SLC44A1: variants seen among roughly 807,000 people sequenced by gnomAD.
SLC44A1 encodes solute carrier family 44 member 1, also known as choline transporter-like protein 1.
Under a neutral mutation model 79.3 loss-of-function variants are expected in SLC44A1, and 26 were observed. The ratio of observed to expected loss-of-function variants is 0.33; its 90% CI spans 0.24 to 0.46. SLC44A1 has a LOEUF of 0.46. Among genes scored for constraint, SLC44A1 ranks in the 20% least tolerant of loss-of-function variants. The pLI is 1.00. For synonymous variants in SLC44A1, 263 were observed against 286.2 expected (o/e 0.92, Z 0.82); for missense variants, 688 against 798.1 (o/e 0.86, Z 1.66).
intron 15 of SLC44A1, among the ~76,000 whole-genome samples, chr9:105,408,204 T>C (rs945946828): frequency 1.3e-5 from 2 of 152,082 alleles, no homozygotes; most frequent in African/African-American, 4.8e-5. Flanking sequence ...CAAGACATTC[T>C]CATACAAACA....
chr9:105,431,956 T>C (rs1424251706), intron 15 of SLC44A1, among the ~76,000 whole-genome samples: 2 of 152,244 alleles, frequency 1.3e-5, no homozygotes, highest in East Asian at 3.8e-4. Flanking sequence ...AGGGTCTCAC[T>C]CTGTTGCCCA....
intron 14 of SLC44A1, 99 bp downstream of exon 14, chr9:105,383,458 T>C (rs1223048912): frequency 1.2e-5 from 9 of 726,708 alleles, no homozygotes; most frequent in Non-Finnish European, 1.9e-5. Context: ...TATATGCAAC[T>C]GAGTAATTTA....
At chr9:105,363,083 A>G (rs1193286787) in intron 9 of SLC44A1, 76 bp downstream of exon 9, 13 of 1,151,792 alleles carry the variant, frequency 1.1e-5, no homozygotes, top group Non-Finnish European at 1.6e-5. Context: ...AGAGAGAGGT[A>G]ATTCTTCAGA....
At chr9:105,430,605 T>C (rs191378861) in intron 15 of SLC44A1, among the ~76,000 whole-genome samples, 1 of 152,358 alleles carries the variant, frequency 6.6e-6, no homozygotes, top group East Asian at 1.9e-4. Context: ...CAATATTTCA[T>C]CTCTTTTTAT....
rs995646875 is a variant in SLC44A1 at position 105,244,891 on chromosome 9, C to T, written c.23C>T (p.Ser8Phe). 1.7e-5 allele frequency: 20 copies of T among 1,179,078 alleles called. No individual in the cohort carries two copies. The highest frequency in any genetic ancestry group is 4.6e-5 in the Admixed American group (1 of 21,754). 73.0% of individuals were successfully genotyped at this position (1,179,078 alleles called of 1,614,324 possible). MGCCSSA[S>F]SAAQSSKREW... ...GCCATGGGCTGCTGCAGCTCCGCCT[C>T]CTCCGCCGCGCAGGTGAGGGGCTCC... Residue 8 changes from serine to phenylalanine, a missense_variant, in exon 1 of 16, where the codon TCC becomes TTC. By Grantham distance (155) the Ser-to-Phe change is radical (BLOSUM62 -2). Transcript: ENST00000374720.
At chr9:105,337,898 G>A (rs10115879) in intron 4 of SLC44A1, among the ~76,000 whole-genome samples, 14,864 of 152,210 alleles carry the variant, frequency 0.098, 1,853 homozygotes, top group African/African-American at 0.29. Context: ...GCCTGTTCAG[G>A]TCTAGTTAAG....
intron 11 of SLC44A1, among the ~76,000 whole-genome samples, chr9:105,366,038 G>A (rs1256879705): frequency 6.6e-6 from 1 of 151,904 alleles, no homozygotes; most frequent in South Asian, 2.1e-4. Flanking sequence ...ATAACACTTA[G>A]TATCTATACT....
At chr9:105,425,442 A>G (rs1829308316) in intron 15 of SLC44A1, among the ~76,000 whole-genome samples, 1 of 152,210 alleles carries the variant, frequency 6.6e-6, no homozygotes, top group African/African-American at 2.4e-5. Context: ...TTGCGGAAAG[A>G]TCTGTTTGAG....
At chr9:105,371,720 C>CAAA (rs776993058) in intron 12 of SLC44A1, among the ~76,000 whole-genome samples, 93 of 93,536 alleles carry the variant, frequency 9.9e-4, no homozygotes, top group African/African-American at 1.2e-3. Context: ...CTCCATCTCA[C>CAAA]AAAAAAAAAA....
chr9:105,412,978 A>G (rs1829117527), intron 15 of SLC44A1, among the ~76,000 whole-genome samples: 1 of 152,196 alleles, frequency 6.6e-6, no homozygotes, highest in African/African-American at 2.4e-5. Flanking sequence ...AGACAAGCCT[A>G]GAGAAGATAT....
intron 8 of SLC44A1, among the ~76,000 whole-genome samples, chr9:105,361,824 G>C (rs1008195103): frequency 2.0e-5 from 3 of 152,192 alleles, no homozygotes; most frequent in Non-Finnish European, 2.9e-5. Context: ...AGACTGAAGT[G>C]GGAGGATCAC....
At chr9:105,250,868 A>G (rs1427938700) in intron 1 of SLC44A1, among the ~76,000 whole-genome samples, 1 of 152,184 alleles carries the variant, frequency 6.6e-6, no homozygotes, top group Non-Finnish European at 1.5e-5. Flanking sequence ...GGGCATCAAA[A>G]AAAGTTTTTT....
At chr9:105,246,052 T>C (rs1829437643) in intron 1 of SLC44A1, among the ~76,000 whole-genome samples, 1 of 152,204 alleles carries the variant, frequency 6.6e-6, no homozygotes, top group East Asian at 1.9e-4. Context: ...ATTAGCGTAG[T>C]TTCATTAACT....
intron 15 of SLC44A1, among the ~76,000 whole-genome samples, chr9:105,434,264 C>T (rs1829436074): frequency 6.6e-6 from 1 of 151,958 alleles, no homozygotes; most frequent in East Asian, 1.9e-4. Context: ...CATTTGAACC[C>T]CTGGAGACAG....
intron 1 of SLC44A1, among the ~76,000 whole-genome samples, chr9:105,298,602 G>A (rs957222155): frequency 2.0e-5 from 3 of 151,996 alleles, no homozygotes; most frequent in Admixed American, 2.0e-4. Flanking sequence ...TGCCCGCCTC[G>A]GCCTCCCAAA....
intron 1 of SLC44A1, among the ~76,000 whole-genome samples, chr9:105,288,286 T>C (rs1830521500): frequency 7.2e-6 from 1 of 138,202 alleles, no homozygotes; most frequent in African/African-American, 3.4e-5. Context: ...AGTTAATTTG[T>C]AATTTTTTTT....
At position 105,259,619 on chromosome 9, in the gene SLC44A1, C is replaced by G. The variant is rs191038773; in HGVS notation, c.36+14715C>G. Among the ~76,000 whole-genome samples the G allele has an allele frequency of 1.8e-4, 28 of 152,270 alleles. No homozygotes were observed. The East Asian group carries it at 5.4e-3, about 29-fold the overall frequency. ...GCTAAGCCTCAAAGTTTTTCCAAATCTATTTTGCATGTGGTTTTGTATTTT... is the reference window on the plus strand; with the variant it reads ...GCTAAGCCTCAAAGTTTTTCCAAATGTATTTTGCATGTGGTTTTGTATTTT... On this transcript the variant is annotated intron_variant, in intron 1 of 15. Transcript: ENST00000374720.
At chr9:105,359,034 G>A (rs765830238) in intron 7 of SLC44A1, among the ~76,000 whole-genome samples, 2 of 151,826 alleles carry the variant, frequency 1.3e-5, no homozygotes, top group Non-Finnish European at 2.9e-5. Flanking sequence ...CCCACTTTTC[G>A]CCCTTGTTAA....
chr9:105,385,549 A>G, intron 15 of SLC44A1, 47 bp downstream of exon 15: 1 of 1,551,554 alleles, frequency 6.4e-7, no homozygotes, highest in Non-Finnish European at 8.7e-7. Context: ...TTTCACTTTC[A>G]CTTCCTCTCT....
Sources: allele counts gnomAD v4.1 joint callset (sites outside exome capture counted in the v4.1 genomes callset), GRCh38; gene constraint gnomAD v4.1.1; transcripts MANE v1.5; gene names NCBI Gene and HGNC (gene_info 2026-07-23, HGNC 2026-07-21).